Variants in GABRB1 observed in about 807,000 individuals in gnomAD.
The protein encoded by GABRB1 is gamma-aminobutyric acid type A receptor subunit beta1, also known as gamma-aminobutyric acid receptor subunit beta-1.
GABRB1 carries 17 observed loss-of-function variants against 51.6 expected under a neutral mutation model. That is an observed-to-expected ratio of 0.33 (90% CI 0.23 to 0.49). GABRB1 has a LOEUF of 0.49. Among genes scored for constraint, GABRB1 ranks in the 20% least tolerant of loss-of-function variants. GABRB1 has a pLI of 0.99. For missense variants in GABRB1, 410 were observed against 600.6 expected (o/e 0.68, Z 3.32); for synonymous variants, 247 against 218.9 (o/e 1.13, Z -1.14).
At chr4:47,295,572 G>C (rs1039988912) in intron 4 of GABRB1, among the ~76,000 whole-genome samples, 4 of 152,164 alleles carry the variant, frequency 2.6e-5, no homozygotes, top group Admixed American at 6.5e-5. Context: ...AGAATAAAAA[G>C]AAACGAACAA....
At chr4:47,325,608 G>A (rs1725232140) in intron 5 of GABRB1, among the ~76,000 whole-genome samples, 1 of 152,044 alleles carries the variant, frequency 6.6e-6, no homozygotes, top group East Asian at 1.9e-4. Flanking sequence ...CAGCACAATA[G>A]ACTTTGTTTC....
chr4:47,389,280 A>G (rs1365686346), intron 5 of GABRB1, among the ~76,000 whole-genome samples: 4 of 152,172 alleles, frequency 2.6e-5, no homozygotes, highest in Non-Finnish European at 5.9e-5. Context: ...TTTCTCAATA[A>G]CAAAACTGTC....
intron 4 of GABRB1, among the ~76,000 whole-genome samples, chr4:47,240,034 A>C (rs1023952275): frequency 6.6e-5 from 10 of 152,150 alleles, no homozygotes; most frequent in Non-Finnish European, 1.5e-4. Context: ...GATTTACATG[A>C]ATTTATTCTC....
At chr4:47,193,816 A>T (rs1051410394) in intron 4 of GABRB1, among the ~76,000 whole-genome samples, 1 of 152,216 alleles carries the variant, frequency 6.6e-6, no homozygotes, top group Non-Finnish European at 1.5e-5. Context: ...CCATTCCATG[A>T]TTCTTCACTG....
At chr4:47,174,450 A>G (rs1164384462) in intron 4 of GABRB1, among the ~76,000 whole-genome samples, 2 of 152,074 alleles carry the variant, frequency 1.3e-5, no homozygotes, top group Non-Finnish European at 2.9e-5. Context: ...TTCTATAACT[A>G]CTTCAACTCT....
At chr4:47,289,751 A>G (rs1017033674) in intron 4 of GABRB1, among the ~76,000 whole-genome samples, 2 of 152,222 alleles carry the variant, frequency 1.3e-5, no homozygotes, top group Non-Finnish European at 2.9e-5. Flanking sequence ...GATAAATTAA[A>G]TCATAACAAG....
chr4:47,305,539 G>A (rs192554431), intron 4 of GABRB1, among the ~76,000 whole-genome samples: 1 of 152,150 alleles, frequency 6.6e-6, no homozygotes, highest in Admixed American at 6.6e-5. Flanking sequence ...CCTAGTAAAT[G>A]GTTCATTATG....
intron 4 of GABRB1, among the ~76,000 whole-genome samples, chr4:47,176,305 A>G (rs1414277513): frequency 1.3e-5 from 2 of 152,178 alleles, no homozygotes; most frequent in Non-Finnish European, 2.9e-5. Context: ...ATTAAAACAA[A>G]GATAATTAAC....
intron 5 of GABRB1, among the ~76,000 whole-genome samples, chr4:47,400,526 G>GTCTCTCTCTCTCTCTCTCTC (rs56896606): frequency 3.5e-4 from 41 of 117,950 alleles, no homozygotes; most frequent in Middle Eastern, 5.2e-3. Context: ...CCAGGAGGTA[G>GTCTCTCTCTCTCTCTCTCTC]TCTCTCTCTC....
intron 4 of GABRB1, among the ~76,000 whole-genome samples, chr4:47,222,181 C>T (rs1174043820): frequency 6.6e-6 from 1 of 152,162 alleles, no homozygotes; most frequent in Non-Finnish European, 1.5e-5. Flanking sequence ...ACTCACATTT[C>T]TCTCTGCTCT....
intron 3 of GABRB1, among the ~76,000 whole-genome samples, chr4:47,081,872 A>T (rs1484819765): frequency 2.0e-5 from 3 of 152,052 alleles, no homozygotes; most frequent in Admixed American, 2.0e-4. Context: ...TTTTCTTGGT[A>T]TTCTATCATT....
rs1165346765 is a variant in GABRB1, at chr4:47,403,615, A to C, written c.739A>C (p.Ile247Leu). 5 of 1,614,020 alleles carry C rather than the reference A, an allele frequency of 3.1e-6. No individual in the cohort carries two copies. Among genetic ancestry groups the C allele is most frequent in the Non-Finnish European group, 4.2e-6 (5 of 1,179,944 alleles). ...FRLKRNIGYF[I>L]LQTYMPSTLI... is the part of the protein sequence containing the mutation. Reference sequence around the variant, plus strand: ...TCTAAAGAGAAACATTGGTTACTTCATTTTGCAAACCTACATGCCTTCTAC... The same window carrying C: ...TCTAAAGAGAAACATTGGTTACTTCCTTTTGCAAACCTACATGCCTTCTAC... The change falls in exon 7 of 9, where the codon ATT becomes CTT. Residue 247 changes from isoleucine (I) to leucine (L), a missense_variant. Around this residue, in one of 5 missense-constraint regions of GABRB1, gnomAD observed 37 missense variants for 126.3 expected, o/e 0.29. Transcript: ENST00000295454.
intron 8 of GABRB1, among the ~76,000 whole-genome samples, chr4:47,408,366 G>C (rs940301647): frequency 1.3e-5 from 2 of 152,180 alleles, no homozygotes; most frequent in African/African-American, 4.8e-5. Context: ...AAGCAGAGTA[G>C]TGTGAAATGT....
intron 5 of GABRB1, among the ~76,000 whole-genome samples, chr4:47,340,365 T>C (rs1725837472): frequency 6.7e-6 from 1 of 150,138 alleles, no homozygotes; most frequent in African/African-American, 2.4e-5. Flanking sequence ...TCCAAAATAA[T>C]GGCCTTTCCT....
chr4:47,351,259 C>G (rs1337662029), intron 5 of GABRB1, among the ~76,000 whole-genome samples: 2 of 151,998 alleles, frequency 1.3e-5, no homozygotes, highest in African/African-American at 4.8e-5. Context: ...AAAAATGTAG[C>G]CTCCTTCATC....
intron 3 of GABRB1, among the ~76,000 whole-genome samples, chr4:47,043,706 A>G (rs1022727395): frequency 6.6e-6 from 1 of 152,066 alleles, no homozygotes; most frequent in Non-Finnish European, 1.5e-5. Context: ...TTAGTTGGTG[A>G]AACAAAATAT....
At chr4:47,346,963 C>G (rs1726120962) in intron 5 of GABRB1, among the ~76,000 whole-genome samples, 1 of 152,168 alleles carries the variant, frequency 6.6e-6, no homozygotes, top group Non-Finnish European at 1.5e-5. Context: ...TTCTGCTCAA[C>G]CTCCAGCTGA....
chr4:47,257,294 C>G (rs1454112920), intron 4 of GABRB1, among the ~76,000 whole-genome samples: 1 of 152,188 alleles, frequency 6.6e-6, no homozygotes, highest in Non-Finnish European at 1.5e-5. Context: ...AACAGCCCTT[C>G]TGTTCCTAGA....
intron 5 of GABRB1, among the ~76,000 whole-genome samples, chr4:47,357,275 C>T (rs930991053): frequency 6.6e-6 from 1 of 152,182 alleles, no homozygotes; most frequent in South Asian, 2.1e-4. Flanking sequence ...TTATAGGCAG[C>T]AGTGGTTAAA....
Sources: allele counts gnomAD v4.1 joint callset (sites outside exome capture counted in the v4.1 genomes callset), GRCh38; gene constraint gnomAD v4.1.1; regional missense constraint gnomAD v4.1.1; transcripts MANE v1.5; gene names NCBI Gene and HGNC (gene_info 2026-07-23, HGNC 2026-07-21).